ACBD6: variants seen among roughly 807,000 people sequenced by gnomAD.
ACBD6 encodes acyl-CoA binding domain containing 6.
In ACBD6, 28 loss-of-function variants were observed where a neutral mutation model predicts 37.2. That is an observed-to-expected ratio of 0.75 (90% CI 0.56 to 1.03). ACBD6 has a LOEUF of 1.03. ACBD6 is among the 50% of genes least tolerant of loss of function. The pLI, the probability that ACBD6 is intolerant of heterozygous loss-of-function variation, is 0.00. For synonymous variants in ACBD6, 113 were observed against 126.8 expected (o/e 0.89, Z 0.73); for missense variants, 340 against 337.4 (o/e 1.01, Z -0.06).
At chr1:180,358,305 T>C (rs1475955319) in intron 6 of ACBD6, among the ~76,000 whole-genome samples, 3 of 152,182 alleles carry the variant, frequency 2.0e-5, no homozygotes, top group Non-Finnish European at 2.9e-5. Flanking sequence ...CGCATGCCTG[T>C]AATCCCAGCT....
chr1:180,424,642 A>G lies in ACBD6; in HGVS notation c.467+5538T>C, dbSNP rs953653310. On this transcript the variant is annotated intron_variant, in intron 4 of 7. Coordinates refer to ENST00000367595, the MANE Select transcript of ACBD6 (RefSeq NM_032360.4). ...ATATGCACACATACATACACACACC[A>G]AATTTTGTAAACAAGCATTTCATAG... 8.5e-5 allele frequency among the ~76,000 whole-genome samples: 13 copies of G among 152,258 alleles called. No individual in the cohort carries two copies. The South Asian group carries it at 2.7e-3, about 32-fold the overall frequency.
intron 6 of ACBD6, among the ~76,000 whole-genome samples, chr1:180,328,352 A>G (rs1422211057): frequency 6.6e-6 from 1 of 151,920 alleles, no homozygotes; most frequent in African/African-American, 2.4e-5. Context: ...TACAGCTTGT[A>G]TATATACAGG....
intron 3 of ACBD6, among the ~76,000 whole-genome samples, chr1:180,458,883 C>T (rs931536725): frequency 2.0e-5 from 3 of 152,044 alleles, no homozygotes; most frequent in South Asian, 4.2e-4. Context: ...TATTAAACTT[C>T]ATTATTTAAA....
intron 6 of ACBD6, among the ~76,000 whole-genome samples, chr1:180,380,431 C>T (rs1348577786): frequency 1.3e-5 from 2 of 151,818 alleles, no homozygotes; most frequent in African/African-American, 4.8e-5. Flanking sequence ...TATTCAAAGT[C>T]CTGAAGGAAA....
chr1:180,344,029 T>C (rs1407613901), intron 6 of ACBD6, among the ~76,000 whole-genome samples: 1 of 152,070 alleles, frequency 6.6e-6, no homozygotes, highest in Non-Finnish European at 1.5e-5. Context: ...ATTAGACACA[T>C]TGTGACCAGT....
intron 6 of ACBD6, among the ~76,000 whole-genome samples, chr1:180,360,402 A>G (rs140374134): frequency 4.6e-5 from 7 of 152,334 alleles, no homozygotes; most frequent in Non-Finnish European, 8.8e-5. Flanking sequence ...ATCCAGAGGT[A>G]TCTCTTTTCA....
intron 6 of ACBD6, among the ~76,000 whole-genome samples, chr1:180,322,923 T>A (rs1221619634): frequency 6.6e-6 from 1 of 151,826 alleles, no homozygotes; most frequent in Non-Finnish European, 1.5e-5. Flanking sequence ...TGGGTTTGTT[T>A]ACTCTTGCTT....
intron 3 of ACBD6, among the ~76,000 whole-genome samples, chr1:180,450,103 A>G (rs747993872): frequency 6.6e-6 from 1 of 152,158 alleles, no homozygotes; most frequent in African/African-American, 2.4e-5. Context: ...TTAGTACACA[A>G]CAGACATTGC....
At chr1:180,319,620 C>T (rs1339374266) in intron 6 of ACBD6, among the ~76,000 whole-genome samples, 1 of 152,128 alleles carries the variant, frequency 6.6e-6, no homozygotes, top group Non-Finnish European at 1.5e-5. Context: ...ACTTTTCATA[C>T]CCATTAACCA....
At chr1:180,418,210 T>C (rs916502816) in intron 4 of ACBD6, among the ~76,000 whole-genome samples, 2 of 152,140 alleles carry the variant, frequency 1.3e-5, no homozygotes, top group African/African-American at 4.8e-5. Flanking sequence ...ATATATTAAT[T>C]TTACTTACAG....
chr1:180,332,260 T>C (rs916648421), intron 6 of ACBD6, among the ~76,000 whole-genome samples: 1 of 152,176 alleles, frequency 6.6e-6, no homozygotes, highest in Non-Finnish European at 1.5e-5. Flanking sequence ...CACCATTTCC[T>C]ACCTAGACAA....
intron 6 of ACBD6, among the ~76,000 whole-genome samples, chr1:180,392,473 GA>G (rs759498629): frequency 3.9e-5 from 6 of 152,140 alleles, no homozygotes; most frequent in Non-Finnish European, 8.8e-5. Flanking sequence ...ATTTTACAGT[GA>G]ATAGGTTAAG....
chr1:180,285,941 G>C (rs1649483891), downstream of ACBD6, among the ~76,000 whole-genome samples: 1 of 151,956 alleles, frequency 6.6e-6, no homozygotes, highest in South Asian at 2.1e-4. Context: ...AAACATAATT[G>C]TAATAGGTTT....
At chr1:180,330,411 C>T (rs142600539) in intron 6 of ACBD6, among the ~76,000 whole-genome samples, 2 of 151,720 alleles carry the variant, frequency 1.3e-5, no homozygotes, top group African/African-American at 4.8e-5. Flanking sequence ...CAGAGTGACA[C>T]TCTGTTTCAA....
At chr1:180,273,770 A>G (rs1056314701) in intron 11 of ACBD6, 1 of 239,390 alleles carries the variant, frequency 4.2e-6, no homozygotes, top group African/African-American at 2.3e-5. Flanking sequence ...TTCCCAATCA[A>G]CTAAACCAAG....
At chr1:180,402,724 G>T (rs2101959042) in intron 5 of ACBD6, among the ~76,000 whole-genome samples, 1 of 151,578 alleles carries the variant, frequency 6.6e-6, no homozygotes, top group South Asian at 2.1e-4. Context: ...TTAAGCCCAT[G>T]AAGTCATGGC....
chr1:180,371,201 A>T (rs922978923), intron 6 of ACBD6, among the ~76,000 whole-genome samples: 2 of 151,494 alleles, frequency 1.3e-5, no homozygotes, highest in Non-Finnish European at 2.9e-5. Context: ...AAAGAGATCA[A>T]ATATATATAT....
At chr1:180,297,943 C>A (rs1056204502) in intron 7 of ACBD6, among the ~76,000 whole-genome samples, 2 of 152,168 alleles carry the variant, frequency 1.3e-5, no homozygotes, top group Non-Finnish European at 2.9e-5. Flanking sequence ...TGGGGTTTCA[C>A]CATGTTGGCC....
intron 7 of ACBD6, among the ~76,000 whole-genome samples, chr1:180,305,288 G>C (rs147587681): frequency 0.02 from 2,994 of 152,182 alleles, 100 homozygotes; most frequent in African/African-American, 0.067. Context: ...CACAGCAAAA[G>C]AAACTACCAT....
Sources: gnomAD v4.1 joint callset for allele counts (sites outside exome capture counted in the v4.1 genomes callset) on GRCh38, gnomAD v4.1.1 for gene constraint, MANE v1.5 for transcripts, NCBI Gene and HGNC (gene_info 2026-07-23, HGNC 2026-07-21) for gene names.